The following TRIOBP variants were observed in gnomAD, a reference collection of about 807,000 sequenced individuals.
TRIOBP encodes TRIO and F-actin-binding protein.
A neutral mutation model predicts 238.8 loss-of-function variants in TRIOBP; 169 were observed. The ratio of observed to expected loss-of-function variants is 0.71; its 90% CI spans 0.62 to 0.80. TRIOBP has a LOEUF of 0.80. Ranked by LOEUF, TRIOBP falls within the 30% of genes least tolerant of loss-of-function variation. TRIOBP has a pLI of 0.00. For synonymous variants in TRIOBP, 1,150 were observed against 1,274.4 expected (o/e 0.90, Z 2.08); for missense variants, 2,838 against 3,122.6 (o/e 0.91, Z 2.17).
intron 2 of TRIOBP, among the ~76,000 whole-genome samples, chr22:37,698,070 CATGCCTGTA>C (rs1231287502): frequency 2.6e-5 from 4 of 151,544 alleles, no homozygotes; most frequent in Non-Finnish European, 4.4e-5. Context: ...CATGGTGGCA[CATGCCTGTA>C]ATCCCAGCTA....
rs948483305 is a variant in TRIOBP at position 37,701,293 on chromosome 22, T to G, written c.-60-13T>G. 1 of 1,236,030 alleles carries G rather than the reference T, an allele frequency of 8.1e-7. No individual in the cohort carries two copies. The highest frequency in any genetic ancestry group is 1.2e-6 in the Non-Finnish European group (1 of 854,906). 76.6% of individuals were successfully genotyped at this position (1,236,030 alleles called of 1,614,324 possible). A position where few individuals can be genotyped will look rare whatever the true frequency, so the allele number is the denominator to read the frequency against. On this transcript the variant is annotated splice_polypyrimidine_tract_variant and intron_variant, in intron 2 of 23. Coordinates refer to ENST00000644935, the MANE Select transcript of TRIOBP (RefSeq NM_001039141.3). Reference sequence around the variant, plus strand: ...CAGTCATCTGGTCTTTGCCTCCCCCTCATTTTTGCCAGGCCTCACATAGAC... The same window carrying G: ...CAGTCATCTGGTCTTTGCCTCCCCCGCATTTTTGCCAGGCCTCACATAGAC...
At position 37,726,503 on chromosome 22, in the gene TRIOBP, G is replaced by A; in HGVS notation, c.3947G>A (p.Arg1316Lys). 1 of 1,497,796 alleles carries A rather than the reference G, an allele frequency of 6.7e-7. No individual in the cohort carries two copies. Among genetic ancestry groups the A allele is most frequent in the Non-Finnish European group, 8.9e-7 (1 of 1,129,112 alleles). The allele number at this position is 1,497,796 out of a possible 1,614,324, so 92.8% of individuals were successfully genotyped here. Residue 1316 changes from arginine (R) to lysine (K), a missense_variant and splice_region_variant, in exon 7 of 24, where the codon AGG becomes AAG. Around this residue, in one of 5 missense-constraint regions of TRIOBP, gnomAD observed 2,096 missense variants for 2,137.4 expected, o/e 0.98. Coordinates refer to ENST00000644935, the MANE Select transcript of TRIOBP (RefSeq NM_001039141.3). ...GAGCGCCTCTTCGGGCAAGAGCGCAGGTGAGCCCGGGGGTGGGGTCAGCCA... is the reference window on the plus strand; with the variant it reads ...GAGCGCCTCTTCGGGCAAGAGCGCAAGTGAGCCCGGGGGTGGGGTCAGCCA... ...EVERLFGQER[R>K]KSEAAGAFQA...
chr22:37,715,635 G>A (rs905501496), intron 5 of TRIOBP, 128 bp from the exon 6 acceptor site: 14 of 1,102,862 alleles, frequency 1.3e-5, no homozygotes, highest in African/African-American at 4.6e-5. Context: ...GAGCCACAGC[G>A]CCTGGCCAGG....
chr22:37,704,904 CAAAAAAAA>C lies in TRIOBP; in HGVS notation c.114+3437_114+3444del, dbSNP rs55816795. Among the ~76,000 whole-genome samples the C allele has an allele frequency of 4.5e-3, 589 of 131,336 alleles. 3 individuals carry two copies. The highest frequency in any genetic ancestry group is 0.016 in the African/African-American group (553 of 34,728). The allele number at this position is 131,336 out of a possible 152,430, so 86.2% of individuals were successfully genotyped here. A position where few individuals can be genotyped will look rare whatever the true frequency, so the allele number is the denominator to read the frequency against. ...CAGCACAGTGAGACCCCATTTCTAC[CAAAAAAAA>C]AAAAAAAAAAATTAGCCAGGCAGGA... On this transcript the variant is annotated intron_variant, in intron 3 of 23. Coordinates refer to ENST00000644935, the MANE Select transcript of TRIOBP (RefSeq NM_001039141.3).
Position 37,759,191 on chromosome 22 carries a change from T to A in TRIOBP, c.6251T>A (p.Leu2084His). 1.2e-6 allele frequency: 2 copies of A among 1,612,864 alleles called. No homozygotes were observed. The highest frequency in any genetic ancestry group is 1.7e-6 in the Non-Finnish European group (2 of 1,179,976). The part of the protein sequence containing the change: ...ALRAQLEAWR[L>H]QGEAPQSALR... Reference sequence around the variant, plus strand: ...CGGGCCCAGCTGGAGGCGTGGCGTCTCCAAGGGGAGGCTCCTCAGAGTGCA... The same window carrying A: ...CGGGCCCAGCTGGAGGCGTGGCGTCACCAAGGGGAGGCTCCTCAGAGTGCA... The change falls in exon 17 of 24, where the codon CTC becomes CAC. Residue 2084 changes from leucine to histidine, a missense_variant. By Grantham distance (99) the Leu-to-His change is moderately conservative. Transcript: ENST00000644935.
At chr22:37,773,732 C>G (rs1304481723) in intron 23 of TRIOBP, 51 bp from the exon 24 acceptor site, 1 of 152,586 alleles carries the variant, frequency 6.6e-6, no homozygotes, top group African/African-American at 2.4e-5. Context: ...CTTGGGGTGG[C>G]CTCGCAGCCC....
In TRIOBP at chr22:37,734,541, C is replaced by T. The variant is rs1225060754; in HGVS notation, c.4205C>T (p.Thr1402Ile). Residue 1402 changes from threonine (T) to isoleucine (I), a missense_variant, in exon 9 of 24, where the codon ACC becomes ATC. By Grantham distance (89) the Thr-to-Ile change is moderately conservative. Coordinates refer to ENST00000644935, the MANE Select transcript of TRIOBP (RefSeq NM_001039141.3). ...SPLPPRTSAR[T>I]PERELRTQRP... ...CTGCCCCCCAGGACATCAGCCAGGA[C>T]CCCTGAGAGGGAGCTGCGGACACAG... 6.3e-7 allele frequency: 1 copy of T among 1,598,884 alleles called. No individual in the cohort carries two copies. The highest frequency in any genetic ancestry group is 1.1e-5 in the South Asian group (1 of 89,252).
At position 37,735,226 on chromosome 22, in the gene TRIOBP, A is replaced by G. The variant is rs766501268; in HGVS notation, c.4890A>G (p.Pro1630=). The G allele has an allele frequency of 1.2e-5, 19 of 1,606,174 alleles. No homozygotes were observed. Among genetic ancestry groups the G allele is most frequent in the Non-Finnish European group, 1.4e-5 (17 of 1,174,320 alleles). The change falls in exon 9 of 24, where the codon CCA becomes CCG. Residue 1630 remains proline (P), a synonymous_variant. Transcript: ENST00000644935. Reference sequence around the variant, plus strand: ...CTGAGCAGGAGTCACACAGCCAGCCAGAAGGCTGGGCCGAGGCCACCCCAG... The same window carrying G: ...CTGAGCAGGAGTCACACAGCCAGCCGGAAGGCTGGGCCGAGGCCACCCCAG... ...DVPEQESHSQ[P]EGWAEATPVN...
chr22:37,729,736 G>T (rs1425441007), intron 7 of TRIOBP, among the ~76,000 whole-genome samples: 1 of 152,100 alleles, frequency 6.6e-6, no homozygotes, highest in East Asian at 1.9e-4. Flanking sequence ...CTTTGAAATA[G>T]CTTATTTACC....
Position 37,713,390 on chromosome 22 carries a change from T to C in TRIOBP, c.435T>C (p.Asp145=). 2 of 1,613,586 alleles carry C rather than the reference T, an allele frequency of 1.2e-6. No homozygotes were observed. The highest frequency in any genetic ancestry group is 1.7e-6 in the Non-Finnish European group (2 of 1,180,004). ...GCCCTGACTCCGCCACCCCTGATGATACCAGCAACTCGTCCTCTGTGGTGA... is the reference window on the plus strand; with the variant it reads ...GCCCTGACTCCGCCACCCCTGATGACACCAGCAACTCGTCCTCTGTGGTGA... The part of the protein sequence containing the change: ...TSSPDSATPD[D]TSNSSSVDWD... The change falls in exon 5 of 24, where the codon GAT becomes GAC. Residue 145 remains aspartate, a synonymous_variant. Coordinates refer to ENST00000644935, the MANE Select transcript of TRIOBP (RefSeq NM_001039141.3).
chr22:37,772,593 C>A lies in TRIOBP; in HGVS notation c.6937-8C>A. 6.2e-7 allele frequency: 1 copy of A among 1,613,906 alleles called. No individual in the cohort carries two copies. The highest frequency in any genetic ancestry group is 1.1e-5 in the South Asian group (1 of 91,082). On this transcript the variant is annotated splice_region_variant and splice_polypyrimidine_tract_variant and intron_variant, in intron 22 of 23. Coordinates refer to ENST00000644935, the MANE Select transcript of TRIOBP (RefSeq NM_001039141.3). ...TTCATGCCCTCATACCTGCCTCCTG[C>A]CCCCCAGGACAAGCGCTTCACCTCG...
chr22:37,747,634 G>A (rs549272757), intron 11 of TRIOBP, among the ~76,000 whole-genome samples: 1 of 152,238 alleles, frequency 6.6e-6, no homozygotes, highest in Non-Finnish European at 1.5e-5. Flanking sequence ...TGTGGGGGGA[G>A]GAGCTGAGTC....
At chr22:37,743,290 T>G (rs534807471) in intron 11 of TRIOBP, among the ~76,000 whole-genome samples, 23 of 152,162 alleles carry the variant, frequency 1.5e-4, no homozygotes, top group African/African-American at 5.5e-4. Context: ...AAGCCTGGAG[T>G]CGAGTTCTGG....
chr22:37,712,957 AAAATAAAT>A lies in TRIOBP; in HGVS notation c.255-218_255-211del, dbSNP rs368169188. Among the ~76,000 whole-genome samples the A allele has an allele frequency of 0.24, 32,850 of 138,160 alleles. 4,665 individuals are homozygous for A. The highest frequency in any genetic ancestry group is 0.38 in the South Asian group (1,659 of 4,318). The allele number at this position is 138,160 out of a possible 152,430, so 90.6% of individuals were successfully genotyped here. A position where few individuals can be genotyped will look rare whatever the true frequency, so the allele number is the denominator to read the frequency against. ...GGGTGACAGAGCGAGACTCTGTCTCAAAATAAATAAATAAATAAATAAATAAATAAATA... is the reference window on the plus strand; with the variant it reads ...GGGTGACAGAGCGAGACTCTGTCTCAAAATAAATAAATAAATAAATAAATA... On this transcript the variant is annotated intron_variant, in intron 4 of 23. Transcript: ENST00000644935.
At position 37,756,214 on chromosome 22, in the gene TRIOBP, G is replaced by T. The variant is rs191210163; in HGVS notation, c.5687+555G>T. On this transcript the variant is annotated intron_variant, in intron 15 of 23. Coordinates refer to ENST00000644935, the MANE Select transcript of TRIOBP (RefSeq NM_001039141.3). Reference sequence around the variant, plus strand: ...AGTGGCTCACACCTGTAATCCCAGCGATTTGGGAGGCTGAGATGGGAGGAT... The same window carrying T: ...AGTGGCTCACACCTGTAATCCCAGCTATTTGGGAGGCTGAGATGGGAGGAT... 6.5e-3 allele frequency among the ~76,000 whole-genome samples: 986 copies of T among 152,252 alleles called. 11 individuals carry two copies. The highest frequency in any genetic ancestry group is 0.023 in the African/African-American group (935 of 41,526).
chr22:37,756,272 G>T (rs1925915817), intron 15 of TRIOBP, among the ~76,000 whole-genome samples: 1 of 152,162 alleles, frequency 6.6e-6, no homozygotes, highest in Admixed American at 6.5e-5. Context: ...ACCAGCCTGG[G>T]CAATATAGTG....
intron 11 of TRIOBP, among the ~76,000 whole-genome samples, chr22:37,744,637 C>T (rs1925126702): frequency 2.6e-5 from 4 of 152,114 alleles, no homozygotes; most frequent in Admixed American, 2.6e-4. Context: ...GTGAGGTCTC[C>T]TGCGTGTTCA....
At chr22:37,714,882 G>A (rs945372130) in intron 5 of TRIOBP, among the ~76,000 whole-genome samples, 1 of 152,016 alleles carries the variant, frequency 6.6e-6, no homozygotes, top group African/African-American at 2.4e-5. Context: ...GGGTCTCACT[G>A]TGTTGCCCAG....
Position 37,772,560 on chromosome 22 carries a change from G to A in TRIOBP, c.6937-41G>A, listed in dbSNP as rs138259464. The A allele has an allele frequency of 8.2e-3, 13,171 of 1,613,424 alleles. 64 individuals are homozygous for A. The highest frequency in any genetic ancestry group is 9.0e-3 in the Non-Finnish European group (10,603 of 1,179,922). ...ATGTGCCCGGTTGGCAGGGCTGGAG[G>A]GAGAGACTTCATGCCCTCATACCTG... On this transcript the variant is annotated intron_variant, in intron 22 of 23. Transcript: ENST00000644935.
Sources: gnomAD v4.1 joint callset for allele counts (sites outside exome capture counted in the v4.1 genomes callset) on GRCh38, gnomAD v4.1.1 for gene constraint, gnomAD v4.1.1 regional missense constraint, MANE v1.5 for transcripts, NCBI Gene and HGNC (gene_info 2026-07-23, HGNC 2026-07-21) for gene names.